Variants in GSTM2 observed in about 807,000 individuals in gnomAD.
The protein encoded by GSTM2 is glutathione S-transferase mu 2.
GSTM2 carries 33 observed loss-of-function variants against 33.3 expected under a neutral mutation model. That is an observed-to-expected ratio of 0.99 (90% CI 0.75 to 1.33). The LOEUF (loss-of-function observed/expected upper bound fraction) is 1.33. Ranked by LOEUF, GSTM2 falls within the 40% of genes most tolerant of loss-of-function variation. GSTM2 has a pLI of 0.00. For missense variants in GSTM2, 213 were observed against 265.8 expected, an observed-to-expected ratio of 0.80 and a Z score of 1.38; for synonymous variants, 93 against 95.6, an observed-to-expected ratio of 0.97 and a Z score of 0.16.
chr1:109,669,435 T>C, intron 4 of GSTM2, 36 bp from the exon 5 acceptor site: 1 of 1,613,070 alleles, frequency 6.2e-7, no homozygotes, highest in South Asian at 1.1e-5. Flanking sequence ...TTGGCTGGGC[T>C]GTGAGGCTGA....
At chr1:109,668,223 G>A (rs906524835) in intron 1 of GSTM2, 72 bp downstream of exon 1, 21 of 1,478,360 alleles carry the variant, frequency 1.4e-5, no homozygotes, top group Middle Eastern at 4.5e-4. Context: ...GCTGCAGGAC[G>A]GGCTCTAGGG....
chr1:109,679,069 CTTAA>C (rs779602351), downstream of GSTM2, among the ~76,000 whole-genome samples: 3 of 152,034 alleles, frequency 2.0e-5, no homozygotes, highest in African/African-American at 4.8e-5. Context: ...GAGACAATAA[CTTAA>C]TTTATGGTGC....
chr1:109,669,124 C>T, intron 3 of GSTM2, 135 bp downstream of exon 3: 2 of 1,261,538 alleles, frequency 1.6e-6, no homozygotes, highest in Non-Finnish European at 2.3e-6. Flanking sequence ...TCTACACAGC[C>T]CTTGCATGAT....
At chr1:109,676,405 G>A (rs1463364048), downstream of GSTM2, among the ~76,000 whole-genome samples, 4 of 152,184 alleles carry the variant, frequency 2.6e-5, no homozygotes, top group Non-Finnish European at 5.9e-5. Context: ...AGGCTGGAGT[G>A]TGGTGGTGTG....
At chr1:109,682,318 G>T (rs1005534470) in intron 7 of GSTM2, among the ~76,000 whole-genome samples, 3 of 47,614 alleles carry the variant, frequency 6.3e-5, no homozygotes, top group African/African-American at 1.7e-4. Context: ...TCGGCTCACT[G>T]CAAGCTCCAC....
intron 3 of GSTM2, 41 bp downstream of exon 3, chr1:109,669,030 C>T: frequency 3.1e-6 from 5 of 1,597,622 alleles, no homozygotes; most frequent in Non-Finnish European, 3.4e-6. Context: ...GAAAGTGCGA[C>T]GTGTCTCTGA....
intron 7 of GSTM2, among the ~76,000 whole-genome samples, chr1:109,673,879 G>C (rs1647629771): frequency 2.0e-5 from 3 of 152,238 alleles, no homozygotes; most frequent in Admixed American, 1.3e-4. Context: ...GATTACAGGT[G>C]TGAGCCGGAT....
In GSTM2 at chr1:109,669,396, C is replaced by T. The variant is rs1372197600; in HGVS notation, c.259+25C>T. 5.0e-6 allele frequency: 8 copies of T among 1,613,806 alleles called. No homozygotes were observed. In the African/African-American group the frequency reaches 8.0e-5, roughly 16 times the overall value. ...TGTGAGTAGATTTGGTTGCAAGATG[C>T]GGGGAGGGACCGTGGCCTCCTCCTC... On this transcript the variant is annotated intron_variant, in intron 4 of 7. Coordinates refer to ENST00000241337, the MANE Select transcript of GSTM2 (RefSeq NM_000848.4).
At chr1:109,669,263 A>G in intron 3 of GSTM2, 27 bp from the exon 4 acceptor site, 1 of 1,613,540 alleles carries the variant, frequency 6.2e-7, no homozygotes, top group Non-Finnish European at 8.5e-7. Context: ...GGCCCAACTG[A>G]GCTTCCCCGG....
At chr1:109,673,271 G>A in intron 7 of GSTM2, 1 of 1,609,826 alleles carries the variant, frequency 6.2e-7, no homozygotes. Flanking sequence ...CTCTGCATGA[G>A]GCAGGGTGTG....
downstream of GSTM2, among the ~76,000 whole-genome samples, chr1:109,679,090 C>T (rs1295136475): frequency 1.3e-5 from 2 of 151,910 alleles, no homozygotes; most frequent in Admixed American, 1.3e-4. Context: ...GTGCCACCAG[C>T]AAGGTACACG....
At position 109,671,576 on chromosome 1, in the gene GSTM2, G is replaced by A. The variant is rs904676004; in HGVS notation, c.560G>A (p.Arg187Gln). Reference protein sequence around the residue: ...AFPNLKDFISRFEGLEKISAY... With the variant: ...AFPNLKDFISQFEGLEKISAY... ...CCAAACCTGAAGGACTTCATCTCCC[G>A]ATTTGAGGTGATGCCCCCAGCCTCC... The change falls in exon 7 of 8, where the codon CGA (arginine) becomes CAA (glutamine). Residue 187 changes from arginine to glutamine, a missense_variant. Arg to Gln is a conservative substitution (Grantham distance 43). Coordinates refer to ENST00000241337, the MANE Select transcript of GSTM2 (RefSeq NM_000848.4). The A allele has an allele frequency of 2.6e-5, 40 of 1,528,456 alleles. No individual in the cohort carries two copies. The highest frequency in any genetic ancestry group is 3.3e-5 in the Admixed American group (2 of 59,914). 94.7% of individuals were successfully genotyped at this position (1,528,456 alleles called of 1,614,324 possible).
chr1:109,669,704 G>A, intron 5 of GSTM2, 133 bp downstream of exon 5: 1 of 634,704 alleles, frequency 1.6e-6, no homozygotes, highest in Non-Finnish European at 2.9e-6. Context: ...TGAAGCCGCG[G>A]TCCTACACGG....
intron 7 of GSTM2, chr1:109,673,429 A>T: frequency 1.4e-6 from 1 of 718,502 alleles, no homozygotes. Flanking sequence ...GATTTGAGGC[A>T]TTTGTCCAAC....
intron 7 of GSTM2, chr1:109,673,390 A>C: frequency 9.8e-7 from 1 of 1,020,282 alleles, no homozygotes; most frequent in South Asian, 1.5e-5. Context: ...GTTTGAGAGC[A>C]GCAAATCCTA....
chr1:109,668,152 G>C lies in GSTM2; in HGVS notation c.36+1G>C. The C allele has an allele frequency of 6.2e-7, 1 of 1,613,574 alleles. No homozygotes were observed. The highest frequency in any genetic ancestry group is 8.5e-7 in the Non-Finnish European group (1 of 1,179,568). ...ACTGGGGTACTGGAACATCCGCGGG[G>C]TGAGCCAGGGTCCGCTGGGCGGTGG... On this transcript the variant is annotated splice_donor_variant, in intron 1 of 7. Coordinates refer to ENST00000241337, the MANE Select transcript of GSTM2 (RefSeq NM_000848.4). LOFTEE classifies it high-confidence loss of function.
At chr1:109,668,368 C>A in intron 1 of GSTM2, 57 bp from the exon 2 acceptor site, 1 of 1,576,200 alleles carries the variant, frequency 6.3e-7, no homozygotes, top group Non-Finnish European at 8.7e-7. Context: ...TGTGCAGAGT[C>A]GTCACAAAGT....
At chr1:109,676,572 C>T (rs771766546), downstream of GSTM2, among the ~76,000 whole-genome samples, 2 of 152,114 alleles carry the variant, frequency 1.3e-5, no homozygotes, top group Non-Finnish European at 2.9e-5. Flanking sequence ...ATGCTGGTCT[C>T]GAACTCCTGA....
chr1:109,668,528 G>A, intron 2 of GSTM2, 28 bp downstream of exon 2: 2 of 1,611,964 alleles, frequency 1.2e-6, no homozygotes, highest in Non-Finnish European at 8.5e-7. Flanking sequence ...TCTGGGCCCT[G>A]CCCCCTCACA....
Sources: gnomAD v4.1 joint callset for allele counts (sites outside exome capture counted in the v4.1 genomes callset) on GRCh38, gnomAD v4.1.1 for gene constraint, MANE v1.5 for transcripts, NCBI Gene and HGNC (gene_info 2026-07-23, HGNC 2026-07-21) for gene names.